Variants in VPS8 observed in about 807,000 individuals in gnomAD.
VPS8 encodes vacuolar protein sorting-associated protein 8 homolog.
Under a neutral mutation model 216.4 loss-of-function variants are expected in VPS8, and 129 were observed. That is an observed-to-expected ratio of 0.60 (90% CI 0.52 to 0.69). The LOEUF is 0.69. VPS8 is among the 30% of genes least tolerant of loss of function. VPS8 has a pLI of 0.00. For synonymous variants in VPS8, 571 were observed against 565.4 expected (o/e 1.01, Z -0.14); for missense variants, 1,531 against 1,683.5 (o/e 0.91, Z 1.59).
Position 184,999,779 on chromosome 3 carries a change from A to G in VPS8, c.3920A>G (p.Tyr1307Cys). ...GAGGGCCAAACAAGATGGACATGCT[A>G]CAAATGCAGTTCAAGTAACAAAGTA... is the stretch of plus-strand genomic sequence containing the variant. Reference protein sequence around the residue: ...EFEGQTRWTCYKCSSSNKVGK... With the variant: ...EFEGQTRWTCCKCSSSNKVGK... Residue 1307 changes from tyrosine (Y) to cysteine (C), a missense_variant, in exon 45 of 48, where the codon TAC becomes TGC. Transcript: ENST00000625842. 1.2e-6 allele frequency: 2 copies of G among 1,613,344 alleles called. No homozygotes were observed. The highest frequency in any genetic ancestry group is 1.1e-5 in the South Asian group (1 of 90,808).
At chr3:184,995,110 C>T (rs1190697439) in intron 43 of VPS8, among the ~76,000 whole-genome samples, 12 of 152,178 alleles carry the variant, frequency 7.9e-5, no homozygotes, top group African/African-American at 2.7e-4. Context: ...ACAGCCAAAC[C>T]GTATCACCAT....
At chr3:184,995,454 A>G (rs1404431581) in intron 43 of VPS8, among the ~76,000 whole-genome samples, 1 of 152,214 alleles carries the variant, frequency 6.6e-6, no homozygotes, top group Non-Finnish European at 1.5e-5. Context: ...ATGTTTGCCA[A>G]TTTTGGAACT....
At chr3:184,935,975 C>G (rs564782664) in intron 34 of VPS8, among the ~76,000 whole-genome samples, 2 of 152,306 alleles carry the variant, frequency 1.3e-5, no homozygotes, top group South Asian at 4.1e-4. Flanking sequence ...GGTATCATGG[C>G]TGAAATCCAG....
At chr3:185,011,910 G>T (rs1330501259) in intron 45 of VPS8, among the ~76,000 whole-genome samples, 2 of 152,152 alleles carry the variant, frequency 1.3e-5, no homozygotes, top group Admixed American at 1.3e-4. Flanking sequence ...AAAGTATTTC[G>T]TGGAAAAGAT....
intron 21 of VPS8, among the ~76,000 whole-genome samples, chr3:184,873,782 C>G (rs1006931052): frequency 6.6e-6 from 1 of 152,166 alleles, no homozygotes; most frequent in South Asian, 2.1e-4. Context: ...TTGTTCAACT[C>G]TCAAGACCCA....
At chr3:184,939,945 C>G (rs1181807317) in intron 35 of VPS8, among the ~76,000 whole-genome samples, 1 of 152,054 alleles carries the variant, frequency 6.6e-6, no homozygotes, top group Non-Finnish European at 1.5e-5. Context: ...CAGTAGAGGT[C>G]TGTTTTGGGC....
intron 3 of VPS8, among the ~76,000 whole-genome samples, chr3:184,829,806 C>T (rs375262258): frequency 2.0e-5 from 3 of 152,176 alleles, no homozygotes; most frequent in East Asian, 3.9e-4. Context: ...AGGTTTTGAC[C>T]GTTTGAATAT....
chr3:184,860,609 T>G (rs752633063), intron 15 of VPS8, among the ~76,000 whole-genome samples: 15 of 152,182 alleles, frequency 9.9e-5, no homozygotes, highest in Non-Finnish European at 2.1e-4. Flanking sequence ...ATTAGAAATT[T>G]AATGTCTTGT....
intron 14 of VPS8, 67 bp from the exon 15 acceptor site, chr3:184,859,918 A>T: frequency 1.7e-6 from 2 of 1,197,916 alleles, no homozygotes; most frequent in Non-Finnish European, 2.4e-6. Context: ...GGTGGAGTAT[A>T]ATTAAATATC....
intron 40 of VPS8, among the ~76,000 whole-genome samples, chr3:184,972,843 G>A (rs1316248513): frequency 2.6e-5 from 4 of 152,180 alleles, no homozygotes; most frequent in Admixed American, 2.6e-4. Flanking sequence ...TTAACTCTTC[G>A]CCTGCCCTTC....
intron 34 of VPS8, among the ~76,000 whole-genome samples, chr3:184,931,741 A>G (rs1294419821): frequency 6.6e-6 from 1 of 152,184 alleles, no homozygotes; most frequent in African/African-American, 2.4e-5. Context: ...ATATCTTGGT[A>G]AAATAACCCA....
intron 22 of VPS8, among the ~76,000 whole-genome samples, chr3:184,889,740 C>T (rs1390346906): frequency 6.6e-6 from 1 of 152,132 alleles, no homozygotes; most frequent in Non-Finnish European, 1.5e-5. Flanking sequence ...GGCATTGGGT[C>T]AAACGCTCCC....
At chr3:184,943,412 G>C (rs1040602615) in intron 36 of VPS8, among the ~76,000 whole-genome samples, 2 of 152,122 alleles carry the variant, frequency 1.3e-5, no homozygotes, top group African/African-American at 4.8e-5. Context: ...GTTTTTTAGT[G>C]ACCATGCTTG....
intron 36 of VPS8, among the ~76,000 whole-genome samples, chr3:184,943,929 C>G: frequency 7.9e-6 from 1 of 126,640 alleles, no homozygotes; most frequent in Admixed American, 7.5e-5. Context: ...TGGTGAAACC[C>G]CGTCTTTACT....
intron 42 of VPS8, among the ~76,000 whole-genome samples, chr3:184,989,238 G>A (rs1751543571): frequency 6.6e-6 from 1 of 152,188 alleles, no homozygotes; most frequent in Admixed American, 6.5e-5. Context: ...GATGTTAGCT[G>A]CAAGGTTCTT....
chr3:184,884,263 C>T (rs534344441), intron 21 of VPS8, among the ~76,000 whole-genome samples: 79 of 152,156 alleles, frequency 5.2e-4, no homozygotes, highest in Non-Finnish European at 1.0e-3. Flanking sequence ...TGGTGTTCCG[C>T]GCCCTGTGTC....
chr3:184,814,734 A>G (rs1009251822), intron 1 of VPS8, among the ~76,000 whole-genome samples: 4 of 152,186 alleles, frequency 2.6e-5, no homozygotes, highest in African/African-American at 9.7e-5. Flanking sequence ...AAGGCCTAGG[A>G]CATTATTGTA....
chr3:184,835,796 A>G (rs948629420), intron 5 of VPS8, among the ~76,000 whole-genome samples: 10 of 139,268 alleles, frequency 7.2e-5, no homozygotes, highest in Non-Finnish European at 1.2e-4. Context: ...TGCAAGCTCC[A>G]CCTCCCGGAT....
chr3:184,959,454 AAAAAGT>A (rs748925323), intron 37 of VPS8, among the ~76,000 whole-genome samples: 1 of 152,220 alleles, frequency 6.6e-6, no homozygotes, highest in African/African-American at 2.4e-5. Context: ...CAGGTATAGA[AAAAAGT>A]AAATGTTTTA....
Sources: allele counts gnomAD v4.1 joint callset (sites outside exome capture counted in the v4.1 genomes callset), GRCh38; gene constraint gnomAD v4.1.1; transcripts MANE v1.5; gene names NCBI Gene and HGNC (gene_info 2026-07-23, HGNC 2026-07-21).